ANTXR1: variants seen among roughly 807,000 people sequenced by gnomAD.
The protein encoded by ANTXR1 is ANTXR cell adhesion molecule 1.
Under a neutral mutation model 78.1 loss-of-function variants are expected in ANTXR1, and 19 were observed. The observed-to-expected ratio is 0.24, with a 90% CI of 0.17 to 0.36. ANTXR1 has a LOEUF of 0.36. ANTXR1 is among the 10% of genes least tolerant of loss of function. ANTXR1 has a pLI of 1.00. For missense variants in ANTXR1, 518 were observed against 718.6 expected, an observed-to-expected ratio of 0.72 and a Z score of 3.19; for synonymous variants, 273 against 260.5, an observed-to-expected ratio of 1.05 and a Z score of -0.46.
chr2:69,242,706 G>A (rs533680450), intron 17 of ANTXR1, among the ~76,000 whole-genome samples: 71 of 152,290 alleles, frequency 4.7e-4, no homozygotes, highest in Admixed American at 1.1e-3. Context: ...GTCTAGGAAC[G>A]AAGGGCAGAA....
chr2:69,058,793 G>T (rs1318697209), intron 3 of ANTXR1, among the ~76,000 whole-genome samples: 1 of 152,200 alleles, frequency 6.6e-6, no homozygotes, highest in Non-Finnish European at 1.5e-5. Flanking sequence ...TTTGGGAAAG[G>T]ATTCACCATT....
At chr2:69,072,882 A>G (rs1404030900) in intron 5 of ANTXR1, 140 bp from the exon 6 acceptor site, 5 of 847,766 alleles carry the variant, frequency 5.9e-6, no homozygotes, top group Non-Finnish European at 8.2e-6. Flanking sequence ...AGTTGCTTCC[A>G]GGCCCAAAAG....
chr2:69,160,176 A>C (rs1673640496), intron 13 of ANTXR1, among the ~76,000 whole-genome samples: 1 of 152,082 alleles, frequency 6.6e-6, no homozygotes, highest in African/African-American at 2.4e-5. Context: ...TAGCACACAG[A>C]GCTCTGCCAT....
At chr2:69,138,731 G>T (rs1389456377) in intron 12 of ANTXR1, among the ~76,000 whole-genome samples, 1 of 152,078 alleles carries the variant, frequency 6.6e-6, no homozygotes, top group African/African-American at 2.4e-5. Flanking sequence ...CAAAGCAGTG[G>T]GCTTCATGTT....
chr2:69,026,376 T>C (rs538043287), intron 1 of ANTXR1, among the ~76,000 whole-genome samples: 1 of 152,308 alleles, frequency 6.6e-6, no homozygotes, highest in East Asian at 1.9e-4. Flanking sequence ...GAGATAATAA[T>C]AGTATGTGTC....
At chr2:69,090,775 T>A in intron 8 of ANTXR1, 84 bp from the exon 9 acceptor site, 1 of 1,393,296 alleles carries the variant, frequency 7.2e-7, no homozygotes, top group Non-Finnish European at 1.0e-6. Flanking sequence ...CCTATCTCTA[T>A]CTCAGTAGCT....
intron 16 of ANTXR1, among the ~76,000 whole-genome samples, chr2:69,186,927 A>G (rs1362414921): frequency 6.6e-6 from 1 of 152,166 alleles, no homozygotes; most frequent in African/African-American, 2.4e-5. Context: ...AGAGTGACCC[A>G]TCCACTCGCT....
At chr2:69,058,313 A>T (rs1374493097) in intron 3 of ANTXR1, among the ~76,000 whole-genome samples, 3 of 152,242 alleles carry the variant, frequency 2.0e-5, no homozygotes, top group African/African-American at 7.2e-5. Flanking sequence ...AAATCTTCAA[A>T]GGACAGCCTA....
At chr2:69,112,695 T>C (rs573898574) in intron 10 of ANTXR1, among the ~76,000 whole-genome samples, 1 of 152,314 alleles carries the variant, frequency 6.6e-6, no homozygotes, top group African/African-American at 2.4e-5. Context: ...AAGGCACCTC[T>C]CCTCATTCCC....
chr2:69,047,704 C>T (rs1669812593), intron 3 of ANTXR1, among the ~76,000 whole-genome samples: 1 of 152,044 alleles, frequency 6.6e-6, no homozygotes, highest in South Asian at 2.1e-4. Flanking sequence ...TTTTCCTCCC[C>T]AGTCCACCAG....
intron 3 of ANTXR1, among the ~76,000 whole-genome samples, chr2:69,062,055 A>G (rs771428771): frequency 6.6e-6 from 1 of 152,214 alleles, no homozygotes; most frequent in Non-Finnish European, 1.5e-5. Flanking sequence ...TAAGCAGAGA[A>G]GGTTCTGCAG....
chr2:69,125,184 A>C (rs1452357140), intron 12 of ANTXR1, among the ~76,000 whole-genome samples: 2 of 152,114 alleles, frequency 1.3e-5, no homozygotes, highest in Non-Finnish European at 2.9e-5. Flanking sequence ...CAGGAGAGAG[A>C]GTGGGGAAGG....
chr2:69,118,085 G>T (rs1672210349), intron 10 of ANTXR1, among the ~76,000 whole-genome samples: 1 of 152,026 alleles, frequency 6.6e-6, no homozygotes, highest in African/African-American at 2.4e-5. Context: ...TTTGGTAATG[G>T]ACAAAAGAAA....
intron 17 of ANTXR1, among the ~76,000 whole-genome samples, chr2:69,228,342 A>G (rs1675513506): frequency 6.6e-6 from 1 of 152,158 alleles, no homozygotes; most frequent in Admixed American, 6.5e-5. Flanking sequence ...ACCCGTGGAA[A>G]CTTCTCAAAT....
intron 3 of ANTXR1, among the ~76,000 whole-genome samples, chr2:69,051,443 G>T (rs532806359): frequency 4.6e-5 from 7 of 151,592 alleles, no homozygotes; most frequent in African/African-American, 1.7e-4. Context: ...TACTATTTTT[G>T]ATTTAAGATG....
intron 14 of ANTXR1, 36 bp downstream of exon 14, chr2:69,170,325 G>C: frequency 6.2e-7 from 1 of 1,613,156 alleles, no homozygotes; most frequent in Non-Finnish European, 8.5e-7. Context: ...TGGGTGGGCA[G>C]GGTGGCAGAG....
chr2:69,044,995 T>G (rs1001398507), intron 3 of ANTXR1, among the ~76,000 whole-genome samples, 182 bp downstream of exon 3: 5 of 152,194 alleles, frequency 3.3e-5, no homozygotes, highest in African/African-American at 9.7e-5. Flanking sequence ...ACTCTTCAGT[T>G]ACTTTTGATA....
At chr2:69,020,416 G>A (rs1384710690) in intron 1 of ANTXR1, among the ~76,000 whole-genome samples, 1 of 152,062 alleles carries the variant, frequency 6.6e-6, no homozygotes, top group African/African-American at 2.4e-5. Context: ...GTTTTGTTTT[G>A]TTTTGTTTTG....
chr2:69,141,462 G>A (rs1242067152), intron 12 of ANTXR1, among the ~76,000 whole-genome samples: 1 of 152,174 alleles, frequency 6.6e-6, no homozygotes, highest in African/African-American at 2.4e-5. Flanking sequence ...AGGGGCAAGA[G>A]CAGTTTTCAA....
Sources: gnomAD v4.1 joint callset for allele counts (sites outside exome capture counted in the v4.1 genomes callset) on GRCh38, gnomAD v4.1.1 for gene constraint, MANE v1.5 for transcripts, NCBI Gene and HGNC (gene_info 2026-07-23, HGNC 2026-07-21) for gene names.